ACTR3C: variants seen among roughly 807,000 people sequenced by gnomAD.
The protein encoded by ACTR3C is actin related protein 3C.
ACTR3C carries 18 observed loss-of-function variants against 26.3 expected under a neutral mutation model. The observed-to-expected ratio is 0.68, with a 90% confidence interval of 0.47 to 1.01. The LOEUF is 1.01. ACTR3C is among the 50% of genes least tolerant of loss of function. The pLI, the probability that ACTR3C is intolerant of heterozygous loss-of-function variation, is 0.00. For missense variants in ACTR3C, 184 were observed against 250.7 expected (o/e 0.73, Z 1.80); for synonymous variants, 55 against 94.5 (o/e 0.58, Z 2.42).
At chr7:150,284,936 A>T in intron 5 of ACTR3C, 91 bp from the exon 6 acceptor site, 1 of 1,154,930 alleles carries the variant, frequency 8.7e-7, no homozygotes, top group Non-Finnish European at 1.2e-6. Flanking sequence ...TAACAAATAT[A>T]CAATTTATTA....
At chr7:150,036,386 C>T in the ACTR3C span, among the ~76,000 whole-genome samples, 3 of 145,580 alleles carry the variant, frequency 2.1e-5, no homozygotes, top group South Asian at 4.3e-4. Flanking sequence ...GCCAGGGCCC[C>T]ACAGTTTGGG....
chr7:150,246,388 A>C (rs1832464959), downstream of ACTR3C: 1 of 152,170 alleles, frequency 6.6e-6, no homozygotes, highest in South Asian at 2.1e-4. Context: ...GCAGACCCTG[A>C]TGGGGTGCAG....
the ACTR3C span, among the ~76,000 whole-genome samples, chr7:149,948,591 CAG>C: frequency 7.2e-3 from 1,089 of 151,194 alleles, 1 homozygote; most frequent in African/African-American, 0.025. Flanking sequence ...CAAACATGTG[CAG>C]AGAGTCTGAG....
chr7:150,049,648 C>T, the ACTR3C span, among the ~76,000 whole-genome samples: 1 of 152,236 alleles, frequency 6.6e-6, no homozygotes, highest in African/African-American at 2.4e-5. Context: ...CTGCATGCTC[C>T]CTCTGTTTCC....
At chr7:150,134,211 T>TA in the ACTR3C span, among the ~76,000 whole-genome samples, 39 of 137,120 alleles carry the variant, frequency 2.8e-4, no homozygotes, top group African/African-American at 4.8e-4. Context: ...TATAATTTTT[T>TA]AAAAAAAAGG....
chr7:150,169,205 C>A, the ACTR3C span, among the ~76,000 whole-genome samples: 12 of 149,768 alleles, frequency 8.0e-5, no homozygotes, highest in Non-Finnish European at 1.5e-4. Flanking sequence ...CATGGTGAAA[C>A]CCCATCTCTA....
intron 6 of ACTR3C, chr7:150,264,669 A>G (rs1353838412): frequency 2.6e-5 from 25 of 960,218 alleles, no homozygotes; most frequent in Non-Finnish European, 3.1e-5. Flanking sequence ...CGATTAAGAC[A>G]CTCACAGTTG....
chr7:149,960,859 A>G, the ACTR3C span, among the ~76,000 whole-genome samples: 2 of 152,242 alleles, frequency 1.3e-5, no homozygotes, highest in African/African-American at 4.8e-5. Flanking sequence ...AGCAAGAGTG[A>G]TTATGCAGGT....
At chr7:150,178,348 T>A in the ACTR3C span, among the ~76,000 whole-genome samples, 4 of 148,222 alleles carry the variant, frequency 2.7e-5, no homozygotes, top group Non-Finnish European at 5.9e-5. Context: ...AGAGGCACGA[T>A]CTCAGCTCAC....
chr7:149,994,241 GAAGA>G, the ACTR3C span, among the ~76,000 whole-genome samples: 1 of 152,218 alleles, frequency 6.6e-6, no homozygotes, highest in Non-Finnish European at 1.5e-5. Flanking sequence ...AACGCACATG[GAAGA>G]ATGAAGTGGC....
chr7:150,069,392 A>G, the ACTR3C span, among the ~76,000 whole-genome samples: 1 of 152,202 alleles, frequency 6.6e-6, no homozygotes, highest in East Asian at 1.9e-4. Context: ...TGGCATGAGG[A>G]AGACCCAGAA....
chr7:150,179,713 A>G, the ACTR3C span, among the ~76,000 whole-genome samples: 2 of 151,708 alleles, frequency 1.3e-5, no homozygotes, highest in African/African-American at 4.9e-5. Flanking sequence ...CTGGTCTTCA[A>G]TTCCTGGCCT....
the ACTR3C span, among the ~76,000 whole-genome samples, chr7:150,165,393 T>C: frequency 6.6e-6 from 1 of 151,818 alleles, no homozygotes; most frequent in African/African-American, 2.4e-5. Flanking sequence ...CAGTTAACTT[T>C]TAATGAACCA....
chr7:150,305,443 G>A (rs1162551883), intron 1 of ACTR3C, among the ~76,000 whole-genome samples: 5 of 151,914 alleles, frequency 3.3e-5, no homozygotes, highest in Admixed American at 2.0e-4. Flanking sequence ...AACTGGCCAC[G>A]TGGCTCTCAC....
chr7:150,265,604 G>A (rs1833977354), intron 6 of ACTR3C, among the ~76,000 whole-genome samples: 1 of 152,198 alleles, frequency 6.6e-6, no homozygotes, highest in Non-Finnish European at 1.5e-5. Flanking sequence ...TGAGGCAGGA[G>A]AATCGCTTGA....
At chr7:150,077,727 T>C in the ACTR3C span, among the ~76,000 whole-genome samples, 1 of 152,192 alleles carries the variant, frequency 6.6e-6, no homozygotes, top group South Asian at 2.1e-4. Context: ...ACAAGCCACA[T>C]GCAAACCAGT....
At chr7:150,108,610 C>G in the ACTR3C span, among the ~76,000 whole-genome samples, 3 of 148,386 alleles carry the variant, frequency 2.0e-5, no homozygotes, top group Non-Finnish European at 4.5e-5. Context: ...AGGCTCCACC[C>G]TTATAAATGC....
the ACTR3C span, among the ~76,000 whole-genome samples, chr7:150,030,552 GGTTGGTATCGAGTAAAA>G: frequency 8.9e-3 from 1,360 of 152,236 alleles, 25 homozygotes; most frequent in African/African-American, 0.03. Flanking sequence ...ATCAGGCCAT[GGTTGGTATCGAGTAAAA>G]GTTTGTTATA....
At chr7:150,199,304 A>AC in the ACTR3C span, among the ~76,000 whole-genome samples, 1 of 124,754 alleles carries the variant, frequency 8.0e-6, no homozygotes, top group East Asian at 2.2e-4. Context: ...CTGTGACCTT[A>AC]CCCCCAACCC....
Sources: allele counts gnomAD v4.1 joint callset (sites outside exome capture counted in the v4.1 genomes callset), GRCh38; gene constraint gnomAD v4.1.1; transcripts MANE v1.5; gene names NCBI Gene and HGNC (gene_info 2026-07-23, HGNC 2026-07-21).